The following INO80D variants were observed in gnomAD, a reference collection of about 807,000 sequenced individuals.
INO80D encodes the protein INO80 complex subunit D.
A neutral mutation model predicts 87.6 loss-of-function variants in INO80D; 21 were observed. The observed-to-expected ratio is 0.24, with a 90% CI of 0.17 to 0.35. The LOEUF (loss-of-function observed/expected upper bound fraction) is 0.35, where lower values mean the gene tolerates loss of function less well. INO80D is among the 10% of genes least tolerant of loss of function. The pLI is 1.00. For synonymous variants in INO80D, 440 were observed against 491.0 expected, an observed-to-expected ratio of 0.90 and a Z score of 1.37; for missense variants, 982 against 1,280.7, an observed-to-expected ratio of 0.77 and a Z score of 3.56.
intron 8 of INO80D, among the ~76,000 whole-genome samples, chr2:206,012,622 C>T (rs1006316809): frequency 6.6e-6 from 1 of 152,138 alleles, no homozygotes; most frequent in Admixed American, 6.6e-5. Context: ...GATCCCAGCA[C>T]TTTGGGAGGC....
chr2:206,044,003 G>T (rs1689128835), intron 5 of INO80D, among the ~76,000 whole-genome samples: 1 of 152,096 alleles, frequency 6.6e-6, no homozygotes, highest in South Asian at 2.1e-4. Flanking sequence ...ACCAGCCTGG[G>T]TAAACATAAC....
Position 206,004,425 on chromosome 2 carries a change from T to C in INO80D, c.3027A>G (p.Thr1009=). The change falls in exon 11 of 11, where the codon ACA becomes ACG. Residue 1009 remains threonine (T), a synonymous_variant. Coordinates refer to ENST00000403263, the MANE Select transcript of INO80D (RefSeq NM_017759.5). The surrounding 1 kb of genome is among the most constrained non-coding windows in gnomAD (Gnocchi z 4.9). ...TATTGGTACTTGTAGCTGTGGCACC[T>C]GTTACTGTGAAGCCTGTAGGAGGGG... The part of the protein sequence containing the change: ...SIAPPTGFTV[T]GATATSTNNA... The C allele has an allele frequency of 6.2e-7, 1 of 1,604,182 alleles. No homozygotes were observed. Among genetic ancestry groups the C allele is most frequent in the Non-Finnish European group, 8.5e-7 (1 of 1,175,418 alleles).
At chr2:206,068,767 A>C (rs1190528746) in intron 1 of INO80D, among the ~76,000 whole-genome samples, 1 of 151,684 alleles carries the variant, frequency 6.6e-6, no homozygotes, top group African/African-American at 2.4e-5. Context: ...TGGCACAATC[A>C]CCACTCACTG....
Position 206,056,242 on chromosome 2 carries a change from C to T in INO80D, c.920G>A (p.Cys307Tyr), listed in dbSNP as rs200755221. The change falls in exon 4 of 11, where the codon TGC becomes TAC. Residue 307 changes from cysteine to tyrosine, a missense_variant. Coordinates refer to ENST00000403263, the MANE Select transcript of INO80D (RefSeq NM_017759.5). ...ISRLQRLVKL[C>Y]TQKHQLDTDL... is the part of the protein sequence containing the mutation. The stretch of plus-strand genomic sequence containing the variant: ...AGTGTCCAACTGATGTTTCTGGGTG[C>T]ACAGTTTCACCAGTCTCTGCAGTCG... 6.4e-5 allele frequency: 103 copies of T among 1,608,054 alleles called. No homozygotes were observed. The highest frequency in any genetic ancestry group is 8.6e-5 in the Non-Finnish European group (101 of 1,177,596).
chr2:206,072,530 A>C (rs1026445588), intron 1 of INO80D, among the ~76,000 whole-genome samples: 4 of 152,034 alleles, frequency 2.6e-5, no homozygotes, highest in Admixed American at 6.6e-5. Flanking sequence ...CATCCACTTC[A>C]GCCTCCCAAA....
intron 1 of INO80D, among the ~76,000 whole-genome samples, chr2:206,083,860 C>CAAAAAAAAAAAA (rs35840816): frequency 1.0e-5 from 1 of 99,592 alleles, no homozygotes. Context: ...CTAAGCTCAC[C>CAAAAAAAAAAAA]AAAAAAAAAA....
chr2:206,014,435 T>C (rs1688264523), intron 8 of INO80D, among the ~76,000 whole-genome samples: 2 of 152,152 alleles, frequency 1.3e-5, no homozygotes, highest in Non-Finnish European at 1.5e-5. Flanking sequence ...GACTGAACTA[T>C]GGGGGCAGGT....
chr2:206,029,911 A>C (rs762461011), intron 5 of INO80D, among the ~76,000 whole-genome samples: 3 of 152,240 alleles, frequency 2.0e-5, no homozygotes, highest in Non-Finnish European at 2.9e-5. Context: ...CCAATGATTC[A>C]AATATCTGAC....
rs1326423584 is a variant in INO80D, at chr2:206,004,366, C to T, written c.*2G>A. The T allele has an allele frequency of 1.9e-6, 3 of 1,584,390 alleles. No individual in the cohort carries two copies. The South Asian group carries it at 3.5e-5, about 18-fold the overall frequency. On this transcript the variant is annotated 3_prime_UTR_variant, in exon 11 of 11. Transcript: ENST00000403263. The surrounding 1 kb of genome is among the most constrained non-coding windows in gnomAD (Gnocchi z 4.9). The stretch of plus-strand genomic sequence containing the variant: ...CACCTGCCTGCAAACACACAGACAC[C>T]CTCAGTTAGGGGAGGGAAAGGGAGA...
At chr2:206,013,892 C>T (rs1457076324) in intron 8 of INO80D, among the ~76,000 whole-genome samples, 2 of 149,536 alleles carry the variant, frequency 1.3e-5, no homozygotes, top group African/African-American at 2.5e-5. Context: ...GGCATGGTGG[C>T]TCATGCCTGT....
Position 206,003,960 on chromosome 2 carries a change from T to G in INO80D, c.*408A>C. On this transcript the variant is annotated 3_prime_UTR_variant, in exon 11 of 11. Transcript: ENST00000403263. Reference sequence around the variant, plus strand: ...GCTGTCTCTTATACAGGAACTCAATTAATAAGATCATTCTATCTAGAACCA... The same window carrying G: ...GCTGTCTCTTATACAGGAACTCAATGAATAAGATCATTCTATCTAGAACCA... 4 of 198,138 alleles carry G rather than the reference T, an allele frequency of 2.0e-5. No homozygotes were observed. The highest frequency in any genetic ancestry group is 1.1e-4 in the South Asian group (1 of 8,912). The allele number at this position is 198,138 out of a possible 1,614,324, so 12.3% of individuals were successfully genotyped here. A position where few individuals can be genotyped will look rare whatever the true frequency, so the allele number is the denominator to read the frequency against.
intron 5 of INO80D, among the ~76,000 whole-genome samples, chr2:206,045,661 C>T (rs1689174433): frequency 6.6e-6 from 1 of 152,012 alleles, no homozygotes; most frequent in South Asian, 2.1e-4. Context: ...TCAGTATACC[C>T]CGACAGCTTT....
At chr2:206,037,776 C>T (rs765413587) in intron 5 of INO80D, among the ~76,000 whole-genome samples, 10 of 152,168 alleles carry the variant, frequency 6.6e-5, no homozygotes, top group Non-Finnish European at 1.5e-4. Context: ...TACCGGCACT[C>T]ATATGTTGAT....
intron 3 of INO80D, among the ~76,000 whole-genome samples, chr2:206,060,688 G>C (rs1348602321): frequency 6.6e-6 from 1 of 151,706 alleles, no homozygotes; most frequent in Non-Finnish European, 1.5e-5. Flanking sequence ...AGTCTCCCGA[G>C]CAGCTGGGAT....
chr2:206,073,805 A>G (rs975664166), intron 1 of INO80D, among the ~76,000 whole-genome samples: 5 of 152,182 alleles, frequency 3.3e-5, no homozygotes, highest in Admixed American at 1.3e-4. Context: ...CTAAGCCACC[A>G]TGCTCAGCCT....
At chr2:206,082,181 T>C (rs998134326) in intron 1 of INO80D, among the ~76,000 whole-genome samples, 1 of 152,054 alleles carries the variant, frequency 6.6e-6, no homozygotes, top group Non-Finnish European at 1.5e-5. Flanking sequence ...CCACCACGCC[T>C]GGCTAATTTT....
intron 1 of INO80D, 96 bp from the exon 2 acceptor site, chr2:206,063,340 A>T: frequency 2.2e-6 from 1 of 463,502 alleles, no homozygotes; most frequent in Non-Finnish European, 3.7e-6. Context: ...TTACTAATGC[A>T]ATGGATTCTT....
chr2:206,066,213 G>A (rs1174419520), intron 1 of INO80D, among the ~76,000 whole-genome samples: 4 of 151,896 alleles, frequency 2.6e-5, no homozygotes, highest in Non-Finnish European at 4.4e-5. Context: ...AGCTGAGATC[G>A]CAACACTGCA....
At chr2:206,040,289 A>AC (rs1689011219) in intron 5 of INO80D, 4 of 153,058 alleles carry the variant, frequency 2.6e-5, no homozygotes, top group Non-Finnish European at 5.8e-5. Flanking sequence ...CTGTCTCAAA[A>AC]AAAAAAAAAA....
Sources: gnomAD v4.1 joint callset for allele counts (sites outside exome capture counted in the v4.1 genomes callset) on GRCh38, gnomAD v4.1.1 for gene constraint, Gnocchi (gnomAD v3.1) non-coding constraint, MANE v1.5 for transcripts, NCBI Gene and HGNC (gene_info 2026-07-23, HGNC 2026-07-21) for gene names.